SCHIP1: variants seen among roughly 807,000 people sequenced by gnomAD.
The protein encoded by SCHIP1 is schwannomin interacting protein 1, also known as schwannomin-interacting protein 1.
Under a neutral mutation model 29.7 loss-of-function variants are expected in SCHIP1, and 8 were observed. The ratio of observed to expected loss-of-function variants is 0.27; its 90% CI spans 0.16 to 0.49. SCHIP1 has a LOEUF of 0.49. Ranked by LOEUF, SCHIP1 falls within the 20% of genes least tolerant of loss-of-function variation. SCHIP1 has a pLI of 0.99. For missense variants in SCHIP1, 193 were observed against 294.6 expected (o/e 0.66, Z 2.52); for synonymous variants, 76 against 94.9 (o/e 0.80, Z 1.16).
chr3:159,864,510 C>G (rs964687138), intron 1 of SCHIP1, among the ~76,000 whole-genome samples: 6 of 146,854 alleles, frequency 4.1e-5, no homozygotes, highest in Non-Finnish European at 9.1e-5. Context: ...CACACACACA[C>G]ACACATATGC....
chr3:159,300,112 G>GTTTTTTTTTTT, the SCHIP1 span, among the ~76,000 whole-genome samples: 23 of 47,610 alleles, frequency 4.8e-4, no homozygotes, highest in Non-Finnish European at 9.1e-4. Context: ...AGGGAAAGCT[G>GTTTTTTTTTTT]CTTTTTTTTT....
At chr3:159,491,159 C>T in the SCHIP1 span, among the ~76,000 whole-genome samples, 5 of 152,194 alleles carry the variant, frequency 3.3e-5, no homozygotes, top group African/African-American at 9.7e-5. Flanking sequence ...CAGCTCCAGT[C>T]TACAGCTCCC....
the SCHIP1 span, among the ~76,000 whole-genome samples, chr3:159,716,233 A>T: frequency 3.3e-5 from 5 of 152,362 alleles, no homozygotes; most frequent in African/African-American, 7.2e-5. Context: ...TCTGCCTTAC[A>T]AGAGCTCCTG....
intron 5 of SCHIP1, among the ~76,000 whole-genome samples, chr3:159,890,799 A>G (rs1178218584): frequency 6.6e-6 from 1 of 152,130 alleles, no homozygotes; most frequent in African/African-American, 2.4e-5. Flanking sequence ...CTCTTTTTAA[A>G]AATGGAAACT....
At chr3:159,680,386 G>A in the SCHIP1 span, among the ~76,000 whole-genome samples, 4 of 148,960 alleles carry the variant, frequency 2.7e-5, no homozygotes, top group Non-Finnish European at 5.9e-5. Context: ...GGGTGTGCCT[G>A]TAATCCCAGC....
chr3:159,620,081 G>A, the SCHIP1 span, among the ~76,000 whole-genome samples: 2 of 152,200 alleles, frequency 1.3e-5, no homozygotes, highest in Non-Finnish European at 2.9e-5. Flanking sequence ...GTCATTCACT[G>A]TAGAAACACA....
the SCHIP1 span, among the ~76,000 whole-genome samples, chr3:159,348,336 T>C: frequency 0.027 from 4,155 of 152,208 alleles, 178 homozygotes; most frequent in African/African-American, 0.092. Context: ...ATAGATGTCA[T>C]ATAAATTTTG....
the SCHIP1 span, among the ~76,000 whole-genome samples, chr3:159,517,302 G>A: frequency 6.6e-6 from 1 of 152,144 alleles, no homozygotes; most frequent in African/African-American, 2.4e-5. Flanking sequence ...ACTTAAAGCT[G>A]AGTTGGCAGT....
intron 5 of SCHIP1, among the ~76,000 whole-genome samples, chr3:159,891,196 C>T (rs932670062): frequency 6.6e-6 from 1 of 152,038 alleles, no homozygotes; most frequent in African/African-American, 2.4e-5. Context: ...AAGGCAAAAC[C>T]CTGTCTCTAC....
the SCHIP1 span, among the ~76,000 whole-genome samples, chr3:159,449,202 A>G: frequency 6.6e-6 from 1 of 152,146 alleles, no homozygotes; most frequent in Non-Finnish European, 1.5e-5. Context: ...CACTTAAATC[A>G]ATATTTAATC....
the SCHIP1 span, among the ~76,000 whole-genome samples, chr3:159,346,992 G>A: frequency 2.7e-5 from 4 of 147,864 alleles, no homozygotes; most frequent in Non-Finnish European, 6.0e-5. Flanking sequence ...CAATGAATCC[G>A]AGTGGAGGAA....
chr3:159,809,860 G>A, the SCHIP1 span, among the ~76,000 whole-genome samples: 10 of 151,914 alleles, frequency 6.6e-5, no homozygotes, highest in African/African-American at 2.2e-4. Flanking sequence ...AATTAGCTGG[G>A]GCATGCAAAT....
At chr3:159,823,320 G>T in the SCHIP1 span, among the ~76,000 whole-genome samples, 1 of 152,026 alleles carries the variant, frequency 6.6e-6, no homozygotes, top group South Asian at 2.1e-4. Context: ...AGAGGATGAG[G>T]GTCATGAAGG....
the SCHIP1 span, among the ~76,000 whole-genome samples, chr3:159,361,360 T>C: frequency 6.6e-6 from 1 of 152,168 alleles, no homozygotes; most frequent in Non-Finnish European, 1.5e-5. Context: ...GGACACAGAC[T>C]GCCAAGATCC....
chr3:159,463,852 A>T, the SCHIP1 span, among the ~76,000 whole-genome samples: 26 of 152,246 alleles, frequency 1.7e-4, no homozygotes, highest in African/African-American at 6.0e-4. Context: ...TACATTTAAA[A>T]TGTACATCCT....
chr3:159,558,394 C>T, the SCHIP1 span, among the ~76,000 whole-genome samples: 5 of 152,052 alleles, frequency 3.3e-5, no homozygotes, highest in African/African-American at 1.2e-4. Flanking sequence ...AGCAGGGAAA[C>T]AAGAAGCAGC....
the SCHIP1 span, among the ~76,000 whole-genome samples, chr3:159,621,275 T>C: frequency 5.7e-4 from 87 of 152,334 alleles, no homozygotes; most frequent in South Asian, 0.018. Flanking sequence ...ACCAACTCTG[T>C]ATATGCCAAG....
chr3:159,473,311 A>G, the SCHIP1 span, among the ~76,000 whole-genome samples: 204 of 152,258 alleles, frequency 1.3e-3, no homozygotes, highest in South Asian at 0.024. Flanking sequence ...AAATATCACT[A>G]TGGGAAAAAA....
the SCHIP1 span, among the ~76,000 whole-genome samples, chr3:159,681,762 A>G: frequency 5.3e-5 from 8 of 152,250 alleles, no homozygotes; most frequent in Non-Finnish European, 1.0e-4. Context: ...CTTCCAATGT[A>G]GATTAACTTG....
Sources: gnomAD v4.1 joint callset for allele counts (sites outside exome capture counted in the v4.1 genomes callset) on GRCh38, gnomAD v4.1.1 for gene constraint, MANE v1.5 for transcripts, NCBI Gene and HGNC (gene_info 2026-07-23, HGNC 2026-07-21) for gene names.